RABGAP1L: variants seen among roughly 807,000 people sequenced by gnomAD.
RABGAP1L encodes the protein RAB GTPase activating protein 1 like, also known as rab GTPase-activating protein 1-like.
A neutral mutation model predicts 137.7 loss-of-function variants in RABGAP1L; 63 were observed. That is an observed-to-expected ratio of 0.46 (90% CI 0.37 to 0.56). RABGAP1L has a LOEUF of 0.56. Ranked by LOEUF, RABGAP1L falls within the 20% of genes least tolerant of loss-of-function variation. RABGAP1L has a pLI of 0.00. For missense variants in RABGAP1L, 1,095 were observed against 1,244.0 expected (o/e 0.88, Z 1.80); for synonymous variants, 431 against 433.7 (o/e 0.99, Z 0.08).
In RABGAP1L at chr1:174,623,355, A is replaced by C. The variant is rs549420319; in HGVS notation, c.1711-14020A>C. 7.2e-4 allele frequency among the ~76,000 whole-genome samples: 110 copies of C among 152,344 alleles called. 1 individual carries two copies. Among genetic ancestry groups the C allele is most frequent in the African/African-American group, 2.6e-3 (107 of 41,584 alleles). The stretch of plus-strand genomic sequence containing the variant: ...GGAGAACACAATCCACACTGCCCTC[A>C]GTTCTGACACCAGTTGTAAATTCAG... On this transcript the variant is annotated intron_variant, in intron 13 of 25. Transcript: ENST00000681986.
In RABGAP1L at chr1:174,173,946, A is replaced by C. The variant is rs143531305; in HGVS notation, c.-34+14289A>C. Among the ~76,000 whole-genome samples, 453 of 151,838 alleles carry C rather than the reference A, an allele frequency of 3.0e-3. 2 individuals carry two copies. The highest frequency in any genetic ancestry group is 4.9e-3 in the Non-Finnish European group (330 of 68,032). ...TTACCTATCTAGACTCAGTGGCAGTACCTCATCTCTCTGAAACATTACAAA... is the reference window on the plus strand; with the variant it reads ...TTACCTATCTAGACTCAGTGGCAGTCCCTCATCTCTCTGAAACATTACAAA... On this transcript the variant is annotated intron_variant, in intron 1 of 25. Transcript: ENST00000681986.
chr1:174,359,405 G>A (rs893248159), intron 11 of RABGAP1L, among the ~76,000 whole-genome samples: 3 of 152,154 alleles, frequency 2.0e-5, no homozygotes, highest in African/African-American at 4.8e-5. Context: ...CTTCAGAGAG[G>A]AAGATAGATC....
At chr1:174,667,170 G>T (rs966388011) in intron 14 of RABGAP1L, among the ~76,000 whole-genome samples, 1 of 152,012 alleles carries the variant, frequency 6.6e-6, no homozygotes, top group African/African-American at 2.4e-5. Flanking sequence ...TCCTTTCTAA[G>T]CCCAGAAGAC....
chr1:174,246,245 T>G (rs1353053498), intron 5 of RABGAP1L: 1 of 152,196 alleles, frequency 6.6e-6, no homozygotes, highest in Non-Finnish European at 1.5e-5. Context: ...AGCAACAAAC[T>G]CAAACAGATA....
At chr1:174,752,053 A>G (rs1165061862) in intron 17 of RABGAP1L, among the ~76,000 whole-genome samples, 1 of 152,228 alleles carries the variant, frequency 6.6e-6, no homozygotes, top group Non-Finnish European at 1.5e-5. Context: ...GGCACATGCA[A>G]ATAATCCAGA....
chr1:174,611,505 G>A (rs1480049162), intron 13 of RABGAP1L, among the ~76,000 whole-genome samples: 2 of 149,278 alleles, frequency 1.3e-5, no homozygotes, highest in Admixed American at 1.3e-4. Context: ...CTCCAGCTTT[G>A]TTCTTTTGGC....
chr1:174,533,760 T>A (rs932999967), intron 13 of RABGAP1L, among the ~76,000 whole-genome samples: 3 of 152,112 alleles, frequency 2.0e-5, no homozygotes, highest in Non-Finnish European at 4.4e-5. Context: ...AACCTCCGCC[T>A]CCTGAGTTCA....
intron 1 of RABGAP1L, among the ~76,000 whole-genome samples, chr1:174,165,498 T>C (rs1324587048): frequency 1.3e-5 from 2 of 151,386 alleles, no homozygotes; most frequent in East Asian, 3.9e-4. Flanking sequence ...GAACTACTTT[T>C]TTTTTTTTTT....
At chr1:174,926,694 T>TA (rs1259974723) in intron 19 of RABGAP1L, among the ~76,000 whole-genome samples, 1 of 152,122 alleles carries the variant, frequency 6.6e-6, no homozygotes, top group Non-Finnish European at 1.5e-5. Flanking sequence ...CAATCGTCTG[T>TA]AAAAAATGAA....
intron 18 of RABGAP1L, among the ~76,000 whole-genome samples, chr1:174,807,727 A>G (rs888656424): frequency 6.6e-6 from 1 of 152,178 alleles, no homozygotes; most frequent in South Asian, 2.1e-4. Context: ...TTCGTTCACA[A>G]TGAAATTAGC....
intron 11 of RABGAP1L, among the ~76,000 whole-genome samples, chr1:174,313,904 T>C (rs1558124129): frequency 6.6e-6 from 1 of 152,194 alleles, no homozygotes; most frequent in Admixed American, 6.5e-5. Flanking sequence ...GAATTCTGTT[T>C]GCTGGTATTT....
chr1:174,454,110 A>G (rs1210355301), intron 13 of RABGAP1L, among the ~76,000 whole-genome samples: 2 of 152,088 alleles, frequency 1.3e-5, no homozygotes, highest in African/African-American at 4.8e-5. Flanking sequence ...TAAAAATACA[A>G]AAATTAGCTG....
At chr1:174,763,952 T>C (rs2148710331) in intron 18 of RABGAP1L, among the ~76,000 whole-genome samples, 1 of 152,200 alleles carries the variant, frequency 6.6e-6, no homozygotes, top group South Asian at 2.1e-4. Flanking sequence ...ATAAGCATAG[T>C]AGCCACTTCC....
intron 11 of RABGAP1L, among the ~76,000 whole-genome samples, chr1:174,362,599 T>C (rs1684243350): frequency 6.6e-6 from 1 of 152,224 alleles, no homozygotes; most frequent in South Asian, 2.1e-4. Flanking sequence ...TGTTCGTTCA[T>C]GTCCTTTGCC....
chr1:174,568,908 A>C (rs1198191481), intron 13 of RABGAP1L, among the ~76,000 whole-genome samples: 2 of 152,238 alleles, frequency 1.3e-5, no homozygotes, highest in Non-Finnish European at 2.9e-5. Context: ...TAGTAAGAGA[A>C]AAAAATCTGA....
chr1:174,833,593 G>A (rs2861058), intron 19 of RABGAP1L, among the ~76,000 whole-genome samples: 148,813 of 149,230 alleles, frequency 1, 74,201 homozygotes, highest in Middle Eastern at 1. Flanking sequence ...CAGAATTTAA[G>A]ACTACTCTAG....
intron 13 of RABGAP1L, among the ~76,000 whole-genome samples, chr1:174,528,681 G>A (rs1010046822): frequency 6.6e-6 from 1 of 150,812 alleles, no homozygotes; most frequent in Non-Finnish European, 1.5e-5. Context: ...TGACTATAAT[G>A]TGCTATGAAG....
At chr1:174,620,396 T>G (rs990269475) in intron 13 of RABGAP1L, among the ~76,000 whole-genome samples, 1 of 152,108 alleles carries the variant, frequency 6.6e-6, no homozygotes, top group Non-Finnish European at 1.5e-5. Flanking sequence ...AAAGCACTCC[T>G]CAGCAAATGT....
chr1:174,535,244 T>A (rs967169221), intron 13 of RABGAP1L, among the ~76,000 whole-genome samples: 3 of 152,198 alleles, frequency 2.0e-5, no homozygotes, highest in African/African-American at 7.2e-5. Flanking sequence ...TGTCTCTATT[T>A]ATTTTTTTAA....
Sources: gnomAD v4.1 joint callset for allele counts (sites outside exome capture counted in the v4.1 genomes callset) on GRCh38, gnomAD v4.1.1 for gene constraint, MANE v1.5 for transcripts, NCBI Gene and HGNC (gene_info 2026-07-23, HGNC 2026-07-21) for gene names.